Variants in SPTBN2 observed in about 807,000 individuals in gnomAD.
SPTBN2 encodes spectrin beta chain, non-erythrocytic 2.
Under a neutral mutation model 284.2 loss-of-function variants are expected in SPTBN2, and 107 were observed. That is an observed-to-expected ratio of 0.38 (90% CI 0.32 to 0.44). The LOEUF (loss-of-function observed/expected upper bound fraction) is 0.44, where lower values mean the gene tolerates loss of function less well. Among genes scored for constraint, SPTBN2 ranks in the 20% least tolerant of loss-of-function variants. The pLI is 1.00. For missense variants in SPTBN2, 2,569 were observed against 3,287.1 expected, an observed-to-expected ratio of 0.78 and a Z score of 5.34; for synonymous variants, 1,289 against 1,354.8, an observed-to-expected ratio of 0.95 and a Z score of 1.07.
chr11:66,730,366 G>A (rs964023558), upstream of SPTBN2, among the ~76,000 whole-genome samples: 4 of 151,786 alleles, frequency 2.6e-5, no homozygotes, highest in Admixed American at 2.6e-4. Flanking sequence ...GGTGGATCGC[G>A]AGGTCAGGAG....
intron 16 of SPTBN2, 108 bp downstream of exon 16, chr11:66,701,476 T>C: frequency 6.3e-7 from 1 of 1,585,766 alleles, no homozygotes; most frequent in Non-Finnish European, 8.7e-7. Flanking sequence ...ACTGGTTTGC[T>C]TCCTCCTTTG....
Position 66,707,409 on chromosome 11 carries a change from G to T in SPTBN2, c.1653+107C>A. ...GCAACTGGGGACAGGGCCCTGTGCTGGTTCACACTCCACAGAGATCGGCCG... is the reference window on the plus strand; with the variant it reads ...GCAACTGGGGACAGGGCCCTGTGCTTGTTCACACTCCACAGAGATCGGCCG... On this transcript the variant is annotated intron_variant, in intron 13 of 37. Transcript: ENST00000533211. This position sits in a 1 kb window ranked among gnomAD's most constrained non-coding sequence, Gnocchi z 4.9. 1 of 1,239,934 alleles carries T rather than the reference G, an allele frequency of 8.1e-7. No homozygotes were observed. Among genetic ancestry groups the T allele is most frequent in the Non-Finnish European group, 1.1e-6 (1 of 886,072 alleles). The allele number at this position is 1,239,934 out of a possible 1,614,324, so 76.8% of individuals were successfully genotyped here. A position where few individuals can be genotyped will look rare whatever the true frequency, so the allele number is the denominator to read the frequency against.
intron 15 of SPTBN2, 51 bp from the exon 16 acceptor site, chr11:66,701,772 C>CAGTCCACCTA (rs1941262541): frequency 6.2e-7 from 1 of 1,613,238 alleles, no homozygotes; most frequent in Non-Finnish European, 8.5e-7. Flanking sequence ...GCGATGTGCC[C>CAGTCCACCTA]AGTCCACCTA....
Position 66,696,390 on chromosome 11 carries a change from C to A in SPTBN2, c.4165G>T (p.Ala1389Ser), listed in dbSNP as rs373709672. Residue 1389 changes from alanine to serine, a missense_variant, in exon 21 of 38, where the codon GCC becomes TCC. This residue lies in a region of SPTBN2 where 49 missense variants were observed against 92.6 expected (regional missense o/e 0.53). Coordinates refer to ENST00000533211, the MANE Select transcript of SPTBN2 (RefSeq NM_006946.4). ...CTCTCCAGGGCACAGCAGCTCTGGGCAAACAGCTCAGCTCGGTTGGCATCA... is the reference window on the plus strand; with the variant it reads ...CTCTCCAGGGCACAGCAGCTCTGGGAAAACAGCTCAGCTCGGTTGGCATCA... ...LFDANRAELF[A>S]QSCCALESWL... is the part of the protein sequence containing the mutation. The A allele has an allele frequency of 9.0e-5, 146 of 1,613,276 alleles. 1 individual carries two copies. Among genetic ancestry groups the A allele is most frequent in the Non-Finnish European group, 1.2e-4 (143 of 1,180,042 alleles).
In SPTBN2 at chr11:66,691,805, G is replaced by A. The variant is rs1481667215; in HGVS notation, c.5191-147C>T. 1 of 1,210,742 alleles carries A rather than the reference G, an allele frequency of 8.3e-7. No individual in the cohort carries two copies. Among genetic ancestry groups the A allele is most frequent in the African/African-American group, 1.5e-5 (1 of 66,856 alleles). 75.0% of individuals were successfully genotyped at this position (1,210,742 alleles called of 1,614,324 possible). A position where few individuals can be genotyped will look rare whatever the true frequency, so the allele number is the denominator to read the frequency against. On this transcript the variant is annotated intron_variant, in intron 26 of 37. Transcript: ENST00000533211. The surrounding 1 kb of genome is among the most constrained non-coding windows in gnomAD (Gnocchi z 8.0). Reference sequence around the variant, plus strand: ...GACAGGTTTCTTCCCTGTGGTTAAGGAGTAGGTGCAGCTGCTTCCCACTGA... The same window carrying A: ...GACAGGTTTCTTCCCTGTGGTTAAGAAGTAGGTGCAGCTGCTTCCCACTGA...
Position 66,707,468 on chromosome 11 carries a change from C to A in SPTBN2, c.1653+48G>T. 6.4e-7 allele frequency: 1 copy of A among 1,554,402 alleles called. No individual in the cohort carries two copies. Among genetic ancestry groups the A allele is most frequent in the South Asian group, 1.2e-5 (1 of 84,768 alleles). ...GGCGGACGCACCCACTGTGGGGCCC[C>A]CTCGACTCTTGATCACTCTTACCCC... On this transcript the variant is annotated intron_variant, in intron 13 of 37. Transcript: ENST00000533211. The surrounding 1 kb of genome is among the most constrained non-coding windows in gnomAD (Gnocchi z 4.9).
intron 21 of SPTBN2, 118 bp from the exon 22 acceptor site, chr11:66,694,481 A>G (rs891013826): frequency 6.0e-6 from 6 of 1,007,666 alleles, no homozygotes; most frequent in South Asian, 4.8e-5. Context: ...CAGCTCACCC[A>G]GGGAGAGCAT....
chr11:66,688,959 G>C, intron 30 of SPTBN2, 110 bp from the exon 31 acceptor site: 1 of 1,497,704 alleles, frequency 6.7e-7, no homozygotes, highest in African/African-American at 1.4e-5. Flanking sequence ...CACTGCCCCA[G>C]AGCTGTGCCA....
In SPTBN2 at chr11:66,689,832, C is replaced by T. The variant is rs755186573; in HGVS notation, c.5922G>A (p.Leu1974=). The change falls in exon 29 of 38, where the codon CTG becomes CTA. Residue 1974 remains leucine, a synonymous_variant. Transcript: ENST00000533211. ...CCTCGGCCGCATAGTGGCTCCTGGC[C>T]AGCAGCTCCTTCCCCATGTCGATGC... ...SSCIDMGKEL[L]ARSHYAAEEI... 19 of 1,613,960 alleles carry T rather than the reference C, an allele frequency of 1.2e-5. No homozygotes were observed. The highest frequency in any genetic ancestry group is 1.6e-5 in the Non-Finnish European group (19 of 1,180,042).
At chr11:66,702,962 C>CA (rs1426611307) in intron 15 of SPTBN2, among the ~76,000 whole-genome samples, 2 of 143,430 alleles carry the variant, frequency 1.4e-5, no homozygotes, top group Non-Finnish European at 3.1e-5. Context: ...AAAAAAAAAC[C>CA]AAAAAAAACT....
Position 66,700,499 on chromosome 11 carries a change from G to C in SPTBN2, c.3573+27C>G. 6.2e-7 allele frequency: 1 copy of C among 1,600,658 alleles called. No homozygotes were observed. Among genetic ancestry groups the C allele is most frequent in the Non-Finnish European group, 8.5e-7 (1 of 1,179,922 alleles). ...GGGTCCCTACTTTGCTCTTCCTCCT[G>C]CTTGGGACTTTGCCCTGGACTTTCA... On this transcript the variant is annotated intron_variant, in intron 17 of 37. Coordinates refer to ENST00000533211, the MANE Select transcript of SPTBN2 (RefSeq NM_006946.4). The surrounding 1 kb of genome is among the most constrained non-coding windows in gnomAD (Gnocchi z 6.6).
intron 25 of SPTBN2, 34 bp downstream of exon 25, chr11:66,692,936 C>T: frequency 6.3e-7 from 1 of 1,599,598 alleles, no homozygotes; most frequent in South Asian, 1.1e-5. Flanking sequence ...GCCGGCTCCA[C>T]CCCCAGGCTG....
At chr11:66,716,207 G>C (rs937162744) in intron 3 of SPTBN2, among the ~76,000 whole-genome samples, 3 of 152,184 alleles carry the variant, frequency 2.0e-5, no homozygotes, top group African/African-American at 4.8e-5. Flanking sequence ...GCGAAGGTTG[G>C]GTGTGGTGGC....
chr11:66,697,380 T>C (rs2135389100), intron 20 of SPTBN2, among the ~76,000 whole-genome samples: 1 of 152,318 alleles, frequency 6.6e-6, no homozygotes, highest in South Asian at 2.1e-4. Flanking sequence ...AGGCTAGCAC[T>C]GCCTGGGTAG....
In SPTBN2 at chr11:66,721,427, G is replaced by C; in HGVS notation, c.-100C>G. The C allele has an allele frequency of 2.7e-6, 2 of 745,086 alleles. No homozygotes were observed. The highest frequency in any genetic ancestry group is 4.6e-6 in the Non-Finnish European group (2 of 436,550). The allele number at this position is 745,086 out of a possible 1,614,324, so 46.2% of individuals were successfully genotyped here. On this transcript the variant is annotated 5_prime_UTR_variant, in exon 2 of 38. Coordinates refer to ENST00000533211, the MANE Select transcript of SPTBN2 (RefSeq NM_006946.4). ...ATCAGCCCCCAGGGGAAGAGGGGAA[G>C]CCACCTGGGAAGCCTGGGGACGGGA...
intron 1 of SPTBN2, among the ~76,000 whole-genome samples, chr11:66,736,618 GAAAAGA>G (rs1026757575): frequency 2.0e-5 from 3 of 152,100 alleles, no homozygotes; most frequent in Non-Finnish European, 2.9e-5. Flanking sequence ...AGAAAAACAA[GAAAAGA>G]AAAAGTGTCT....
intron 8 of SPTBN2, among the ~76,000 whole-genome samples, chr11:66,713,305 G>T (rs553779074): frequency 6.6e-6 from 1 of 151,588 alleles, no homozygotes; most frequent in Admixed American, 6.6e-5. Context: ...TCAGTGTAAA[G>T]ATATATATTT....
intron 1 of SPTBN2, chr11:66,728,231 G>A (rs1942701524): frequency 6.9e-6 from 1 of 145,530 alleles, no homozygotes; most frequent in African/African-American, 2.5e-5. Flanking sequence ...TGCCGCGCCT[G>A]CAGCCCGGCC....
rs201565101 is a variant in SPTBN2, at chr11:66,692,735, C to T, written c.4991G>A (p.Arg1664Gln). The T allele has an allele frequency of 1.7e-5, 27 of 1,601,422 alleles. No individual in the cohort carries two copies. The highest frequency in any genetic ancestry group is 1.6e-4 in the Middle Eastern group (1 of 6,084). Residue 1664 changes from arginine (R) to glutamine (Q), a missense_variant, in exon 26 of 38, where the codon CGG becomes CAG. Around this residue, in one of 6 missense-constraint regions of SPTBN2, gnomAD observed 1,130 missense variants for 1,317.3 expected, o/e 0.86. Transcript: ENST00000533211. ...CACCTGGGCTTGGCGGATGGATATC[C>T]GAGTGCTGCAAGAAGAGTGAGGGAG... is the stretch of plus-strand genomic sequence containing the variant. ...MIDHEHPEST[R>Q]ISIRQAQVDK... is the part of the protein sequence containing the mutation.
Sources: gnomAD v4.1 joint callset for allele counts (sites outside exome capture counted in the v4.1 genomes callset) on GRCh38, gnomAD v4.1.1 for gene constraint, gnomAD v4.1.1 regional missense constraint, Gnocchi (gnomAD v3.1) non-coding constraint, MANE v1.5 for transcripts, NCBI Gene and HGNC (gene_info 2026-07-23, HGNC 2026-07-21) for gene names.